Variants in LCORL observed in about 807,000 individuals in gnomAD.
LCORL encodes ligand dependent nuclear receptor corepressor like.
In LCORL, 41 loss-of-function variants were observed where a neutral mutation model predicts 141.8. The observed-to-expected ratio is 0.29, with a 90% CI of 0.23 to 0.38. LCORL has a LOEUF of 0.38. LCORL is among the 10% of genes least tolerant of loss of function. LCORL has a pLI of 1.00. For missense variants in LCORL, 1,759 were observed against 2,035.0 expected (o/e 0.86, Z 2.61); for synonymous variants, 618 against 694.1 (o/e 0.89, Z 1.72).
chr4:17,912,219 G>A (rs1732676980), intron 4 of LCORL: 1 of 755,676 alleles, frequency 1.3e-6, no homozygotes, highest in Non-Finnish European at 2.4e-6. Flanking sequence ...AGCTGGCCGT[G>A]CGCCAGTCTG....
chr4:17,970,088 G>C (rs1054301134), intron 2 of LCORL, among the ~76,000 whole-genome samples: 11 of 152,224 alleles, frequency 7.2e-5, no homozygotes, highest in African/African-American at 2.6e-4. Context: ...CTTAAAACAT[G>C]TATTTATACA....
At chr4:17,874,384 T>C in exon 7 of LCORL, 3 of 1,233,896 alleles carry the variant, frequency 2.4e-6, no homozygotes, top group Non-Finnish European at 3.0e-6. Context: ...TTGATTCCCC[T>C]GGTATTTATT....
At chr4:17,969,725 G>A (rs1218642381) in intron 2 of LCORL, among the ~76,000 whole-genome samples, 5 of 152,038 alleles carry the variant, frequency 3.3e-5, no homozygotes, top group Non-Finnish European at 4.4e-5. Flanking sequence ...TTGTTCATTC[G>A]TAAACTCAGC....
intron 1 of LCORL, among the ~76,000 whole-genome samples, chr4:17,999,715 A>C (rs1287170253): frequency 6.6e-6 from 1 of 152,212 alleles, no homozygotes; most frequent in African/African-American, 2.4e-5. Context: ...ACAATTTGGT[A>C]AGAAGAAATT....
Position 17,881,384 on chromosome 4 carries a change from T to C in LCORL, c.777-3171A>G, listed in dbSNP as rs141045252. On this transcript the variant is annotated intron_variant, in intron 6 of 7. Transcript: ENST00000635767. ...GGGGAATTTCCCTGCCTTTCCTAGT[T>C]TGTATAATCAAATGTTAACTCAATA... The C allele has an allele frequency of 1.8e-5, 18 of 978,392 alleles. No individual in the cohort carries two copies. The African/African-American group carries it at 2.5e-4, about 13-fold the overall frequency. The allele number at this position is 978,392 out of a possible 1,614,324, so 60.6% of individuals were successfully genotyped here. A position where few individuals can be genotyped will look rare whatever the true frequency, so the allele number is the denominator to read the frequency against.
chr4:17,933,002 C>T (rs1736289880), intron 4 of LCORL, among the ~76,000 whole-genome samples: 1 of 152,154 alleles, frequency 6.6e-6, no homozygotes, highest in South Asian at 2.1e-4. Flanking sequence ...GAAAATGTTG[C>T]TCTGGGGCTG....
intron 5 of LCORL, among the ~76,000 whole-genome samples, chr4:17,897,856 G>A (rs1730235531): frequency 6.6e-6 from 1 of 152,164 alleles, no homozygotes; most frequent in Non-Finnish European, 1.5e-5. Context: ...GAAGTCCAAA[G>A]AGGCCTGCTT....
intron 7 of LCORL, among the ~76,000 whole-genome samples, chr4:17,864,921 A>T (rs1282790593): frequency 6.6e-6 from 1 of 152,228 alleles, no homozygotes; most frequent in Non-Finnish European, 1.5e-5. Context: ...TAATTTCATA[A>T]CGATAAAAAA....
chr4:17,999,147 A>G (rs1206723761), intron 1 of LCORL, among the ~76,000 whole-genome samples: 1 of 150,592 alleles, frequency 6.6e-6, no homozygotes, highest in Non-Finnish European at 1.5e-5. Flanking sequence ...GCATTACTAC[A>G]AACACGTGAG....
At chr4:17,992,145 T>C (rs1720140873) in intron 1 of LCORL, among the ~76,000 whole-genome samples, 1 of 152,236 alleles carries the variant, frequency 6.6e-6, no homozygotes, top group South Asian at 2.1e-4. Context: ...GAGGGTTAAT[T>C]GACTCACAGT....
At chr4:17,979,255 T>C (rs979001161) in intron 1 of LCORL, among the ~76,000 whole-genome samples, 1 of 152,198 alleles carries the variant, frequency 6.6e-6, no homozygotes, top group Non-Finnish European at 1.5e-5. Flanking sequence ...GCTGGCATGA[T>C]CATATGGCCT....
intron 7 of LCORL, among the ~76,000 whole-genome samples, chr4:17,849,669 A>G (rs1437617993): frequency 6.6e-6 from 1 of 152,204 alleles, no homozygotes; most frequent in African/African-American, 2.4e-5. Context: ...ACAAAGCTGG[A>G]CGGAAGAATC....
chr4:17,898,918 C>G (rs1207102700), intron 5 of LCORL, among the ~76,000 whole-genome samples: 4 of 152,242 alleles, frequency 2.6e-5, no homozygotes, highest in Non-Finnish European at 5.9e-5. Flanking sequence ...AGGACTGCAC[C>G]AGTTTGTATT....
At chr4:17,968,261 C>A (rs1215460090) in intron 2 of LCORL, among the ~76,000 whole-genome samples, 1 of 152,136 alleles carries the variant, frequency 6.6e-6, no homozygotes, top group East Asian at 1.9e-4. Context: ...CTTAAACATA[C>A]ATATGTGATA....
chr4:17,971,705 CA>C (rs1715977119), intron 2 of LCORL, among the ~76,000 whole-genome samples: 2 of 151,512 alleles, frequency 1.3e-5, no homozygotes, highest in Non-Finnish European at 3.0e-5. Context: ...ACTTTAAAAG[CA>C]TTAGATTTTA....
exon 7 of LCORL, chr4:17,876,587 T>C (rs578156107): frequency 8.1e-6 from 10 of 1,230,896 alleles, no homozygotes; most frequent in South Asian, 4.1e-5. Context: ...TGGATTCGGA[T>C]ACTTTTTTGG....
chr4:17,939,594 A>G (rs1330176163), intron 4 of LCORL, among the ~76,000 whole-genome samples: 1 of 152,136 alleles, frequency 6.6e-6, no homozygotes, highest in Non-Finnish European at 1.5e-5. Context: ...GAAGGTACAA[A>G]GAATAAAAAA....
chr4:18,002,775 A>ATTCTTC (rs1722176750), intron 1 of LCORL, among the ~76,000 whole-genome samples: 1 of 152,208 alleles, frequency 6.6e-6, no homozygotes, highest in Non-Finnish European at 1.5e-5. Flanking sequence ...GATAATTTTT[A>ATTCTTC]AAACTCAGCC....
At chr4:17,984,666 A>G (rs1174539120) in intron 1 of LCORL, among the ~76,000 whole-genome samples, 1 of 151,358 alleles carries the variant, frequency 6.6e-6, no homozygotes, top group African/African-American at 2.4e-5. Flanking sequence ...TCTCTTCTGT[A>G]TTATCTAGCT....
Sources: gnomAD v4.1 joint callset for allele counts (sites outside exome capture counted in the v4.1 genomes callset) on GRCh38, gnomAD v4.1.1 for gene constraint, MANE v1.5 for transcripts, NCBI Gene and HGNC (gene_info 2026-07-23, HGNC 2026-07-21) for gene names.